CEP72: variants seen among roughly 807,000 people sequenced by gnomAD.
CEP72 encodes centrosomal protein 72, also known as centrosomal protein of 72 kDa.
In CEP72, 78 loss-of-function variants were observed where a neutral mutation model predicts 65.7. The observed-to-expected ratio is 1.19, with a 90% confidence interval of 0.99 to 1.43. The LOEUF (loss-of-function observed/expected upper bound fraction) is 1.43. Among genes scored for constraint, CEP72 ranks in the 40% most tolerant of loss-of-function variants. The pLI, the probability that CEP72 is intolerant of heterozygous loss-of-function variation, is 0.00. For synonymous variants in CEP72, 358 were observed against 351.7 expected, an observed-to-expected ratio of 1.02 and a Z score of -0.20; for missense variants, 914 against 832.9, an observed-to-expected ratio of 1.10 and a Z score of -1.20.
intron 6 of CEP72, among the ~76,000 whole-genome samples, chr5:636,975 G>A (rs1737648266): frequency 6.6e-6 from 1 of 152,156 alleles, no homozygotes; most frequent in African/African-American, 2.4e-5. Flanking sequence ...GGCTGTGGTG[G>A]AGGCCAAGGC....
intron 3 of CEP72, chr5:665,800 C>T: frequency 1.3e-6 from 1 of 779,760 alleles, no homozygotes; most frequent in Non-Finnish European, 2.0e-6. Context: ...ACCACACCTC[C>T]TCAGACCCCA....
At chr5:644,118 G>T (rs944386916) in intron 9 of CEP72, 181 bp from the exon 10 acceptor site, 9 of 637,272 alleles carry the variant, frequency 1.4e-5, no homozygotes, top group East Asian at 8.5e-5. Context: ...GTGCTGCAGG[G>T]CTGGGCAGGG....
downstream of CEP72, chr5:656,812 G>A (rs1177910629): frequency 1.3e-5 from 2 of 152,190 alleles, no homozygotes; most frequent in African/African-American, 4.8e-5. Context: ...GTGCAGTGCT[G>A]ATTAGAGGTG....
In CEP72 at chr5:627,205, AGATT is replaced by A. The variant is rs201773032; in HGVS notation, c.512+2628_512+2631del. Among the ~76,000 whole-genome samples the A allele has an allele frequency of 5.9e-3, 905 of 152,284 alleles. 30 individuals are homozygous for A. The highest frequency in any genetic ancestry group is 0.05 in the Admixed American group (772 of 15,298). ...ATCTCTACAGTTTGTCTGTTTTGGC[AGATT>A]GTTTCTTTCAAGGAATTGGTCGTCT... On this transcript the variant is annotated intron_variant, in intron 4 of 11. Coordinates refer to ENST00000264935, the MANE Select transcript of CEP72 (RefSeq NM_018140.4).
At chr5:644,500 T>A in intron 10 of CEP72, 75 bp downstream of exon 10, 1 of 1,515,942 alleles carries the variant, frequency 6.6e-7, no homozygotes, top group Non-Finnish European at 9.1e-7. Context: ...TTGTTTTAAA[T>A]TCTTCACTGA....
At position 623,216 on chromosome 5, in the gene CEP72, G is replaced by A. The variant is rs1422705417; in HGVS notation, c.404-1255G>A. ...TCTCCCCTCTTAGTGTTTCTACAGA[G>A]AAGGAGCACAACCGTCTCCCCGCAT... On this transcript the variant is annotated intron_variant, in intron 3 of 11. Transcript: ENST00000264935. This position sits in a 1 kb window ranked among gnomAD's most constrained non-coding sequence, Gnocchi z 5.3. Among the ~76,000 whole-genome samples the A allele has an allele frequency of 6.6e-6, 1 of 152,234 alleles. No individual in the cohort carries two copies. Among genetic ancestry groups the A allele is most frequent in the African/African-American group, 2.4e-5 (1 of 41,464 alleles).
At chr5:664,856 T>A in intron 2 of CEP72, 1 of 529,478 alleles carries the variant, frequency 1.9e-6, no homozygotes, top group East Asian at 3.1e-5. Flanking sequence ...TGGAAATGGC[T>A]GAGGACGAGG....
intron 11 of CEP72, among the ~76,000 whole-genome samples, chr5:649,870 G>A (rs1406448695): frequency 8.0e-6 from 1 of 124,982 alleles, no homozygotes; most frequent in Non-Finnish European, 1.7e-5. Context: ...CGTGACTGAG[G>A]TGTGGACTGT....
chr5:624,538 C>T lies in CEP72; in HGVS notation c.471C>T (p.Leu157=), dbSNP rs556043368. 19 of 1,613,924 alleles carry T rather than the reference C, an allele frequency of 1.2e-5. No individual in the cohort carries two copies. Among genetic ancestry groups the T allele is most frequent in the Admixed American group, 5.0e-5 (3 of 60,004 alleles). ...SRLHFASEDS[L]DSKESVPASL... ...TGCATTTTGCATCAGAGGACTCACT[C>T]GACTCCAAAGAGAGCGTCCCAGCTT... The change falls in exon 4 of 12, where the codon CTC becomes CTT. Residue 157 remains leucine, a synonymous_variant. Transcript: ENST00000264935. This position sits in a 1 kb window ranked among gnomAD's most constrained non-coding sequence, Gnocchi z 4.7.
chr5:642,595 G>A, intron 9 of CEP72: 1 of 985,488 alleles, frequency 1.0e-6, no homozygotes, highest in Non-Finnish European at 1.2e-6. Flanking sequence ...ACATGCAGCT[G>A]TGGCTGCCGT....
chr5:664,960 G>A, intron 2 of CEP72: 1 of 935,286 alleles, frequency 1.1e-6, no homozygotes, highest in Non-Finnish European at 1.6e-6. Flanking sequence ...CAGGAGGGAG[G>A]CCTGGGCCTG....
intron 1 of CEP72, among the ~76,000 whole-genome samples, chr5:613,478 C>A (rs1055378654): frequency 6.6e-6 from 1 of 152,116 alleles, no homozygotes; most frequent in Non-Finnish European, 1.5e-5. Context: ...TCAAGTGATT[C>A]ACTCAGCCTC....
At chr5:639,044 C>T in intron 7 of CEP72, 45 bp from the exon 8 acceptor site, 1 of 1,611,032 alleles carries the variant, frequency 6.2e-7, no homozygotes, top group South Asian at 1.1e-5. Context: ...CATTCAGGAC[C>T]TCAGTTACTG....
chr5:620,078 T>C lies in CEP72; in HGVS notation c.220T>C (p.Tyr74His). 2 of 1,604,308 alleles carry C rather than the reference T, an allele frequency of 1.2e-6. No individual in the cohort carries two copies. Among genetic ancestry groups the C allele is most frequent in the Middle Eastern group, 1.7e-4 (1 of 6,036 alleles). ...NSLVSLEGIQ[Y>H]LTALESLNLY... Reference sequence around the variant, plus strand: ...TGTTTTCTGTTGACAGGGCATTCAGTACCTGACTGCATTGGAGAGTCTCAA... The same window carrying C: ...TGTTTTCTGTTGACAGGGCATTCAGCACCTGACTGCATTGGAGAGTCTCAA... Residue 74 changes from tyrosine to histidine, a missense_variant, in exon 3 of 12, where the codon TAC becomes CAC. Transcript: ENST00000264935.
At chr5:631,818 T>G (rs866816780) in intron 4 of CEP72, among the ~76,000 whole-genome samples, 3 of 42,988 alleles carry the variant, frequency 7.0e-5, no homozygotes, top group South Asian at 1.0e-3. Flanking sequence ...CTGGTGGGGT[T>G]CTGTCCAGTG....
chr5:628,568 T>C (rs985254426), intron 4 of CEP72, among the ~76,000 whole-genome samples: 406 of 128,960 alleles, frequency 3.1e-3, no homozygotes, highest in African/African-American at 8.8e-3. Context: ...CGGGGAGTGT[T>C]CCCAGGACCC....
At chr5:675,244 A>AACAT in the CEP72 span, among the ~76,000 whole-genome samples, 1 of 9,680 alleles carries the variant, frequency 1.0e-4, no homozygotes, top group Non-Finnish European at 1.8e-4. Flanking sequence ...GGTGCAGTGC[A>AACAT]GGGGGTACAG....
downstream of CEP72, among the ~76,000 whole-genome samples, chr5:653,871 G>A (rs530580402): frequency 1.3e-5 from 2 of 152,314 alleles, no homozygotes; most frequent in Non-Finnish European, 1.5e-5. Context: ...TGCTGTGATT[G>A]GTAAGACAAG....
rs1421649861 is a variant in CEP72, at chr5:651,166, T to TG, written c.1779-1821dup. Among the ~76,000 whole-genome samples the TG allele has an allele frequency of 6.4e-4, 38 of 59,042 alleles. 3 individuals are homozygous for TG. In the Admixed American group the frequency reaches 7.7e-3, roughly 12 times the overall value. The allele number at this position is 59,042 out of a possible 152,430, so 38.7% of individuals were successfully genotyped here. A position where few individuals can be genotyped will look rare whatever the true frequency, so the allele number is the denominator to read the frequency against. On this transcript the variant is annotated intron_variant, in intron 11 of 11. Transcript: ENST00000264935. ...TGACTGAGGCGTGGACTGTGAGGTG[T>TG]GACTGTGAGGTGTTACTGTGAGGCG...
Sources: gnomAD v4.1 joint callset for allele counts (sites outside exome capture counted in the v4.1 genomes callset) on GRCh38, gnomAD v4.1.1 for gene constraint, Gnocchi (gnomAD v3.1) non-coding constraint, MANE v1.5 for transcripts, NCBI Gene and HGNC (gene_info 2026-07-23, HGNC 2026-07-21) for gene names.